The following ARHGAP17 variants were observed in gnomAD, a reference collection of about 807,000 sequenced individuals.
ARHGAP17 encodes the protein rho GTPase-activating protein 17.
In ARHGAP17, 57 loss-of-function variants were observed where a neutral mutation model predicts 99.5. The ratio of observed to expected loss-of-function variants is 0.57; its 90% CI spans 0.46 to 0.71. The LOEUF (loss-of-function observed/expected upper bound fraction) is 0.71, where lower values mean the gene tolerates loss of function less well. Among genes scored for constraint, ARHGAP17 ranks in the 30% least tolerant of loss-of-function variants. The pLI is 0.00. For synonymous variants in ARHGAP17, 417 were observed against 429.6 expected (o/e 0.97, Z 0.36); for missense variants, 1,000 against 1,122.4 (o/e 0.89, Z 1.56).
intron 14 of ARHGAP17, among the ~76,000 whole-genome samples, chr16:24,944,843 C>T (rs547009104): frequency 1.3e-5 from 2 of 151,788 alleles, no homozygotes; most frequent in Admixed American, 6.6e-5. Flanking sequence ...GTCTCGATCT[C>T]CTGACCTTGT....
intron 3 of ARHGAP17, among the ~76,000 whole-genome samples, chr16:24,975,426 A>G (rs1031548027): frequency 1.3e-5 from 2 of 152,210 alleles, no homozygotes; most frequent in African/African-American, 2.4e-5. Flanking sequence ...ACAATGTGAA[A>G]AGGGTAAGCA....
intron 1 of ARHGAP17, among the ~76,000 whole-genome samples, chr16:24,982,947 A>G (rs1240324614): frequency 1.4e-5 from 2 of 141,632 alleles, no homozygotes; most frequent in African/African-American, 5.2e-5. Flanking sequence ...CAATCATAAA[A>G]AATAATACTT....
chr16:25,013,155 A>T (rs2053686238), intron 1 of ARHGAP17, among the ~76,000 whole-genome samples: 1 of 152,256 alleles, frequency 6.6e-6, no homozygotes, highest in South Asian at 2.1e-4. Context: ...GTAGCATCAT[A>T]GAAGGCCTTT....
At chr16:24,935,728 G>A (rs1401229984) in intron 17 of ARHGAP17, 89 bp from the exon 18 acceptor site, 1 of 1,390,770 alleles carries the variant, frequency 7.2e-7, no homozygotes, top group Admixed American at 1.8e-5. Context: ...ATTCCAAGCA[G>A]AGTTTTCACT....
intron 19 of ARHGAP17, among the ~76,000 whole-genome samples, chr16:24,925,372 C>CT (rs1164957936): frequency 6.6e-6 from 1 of 152,188 alleles, no homozygotes; most frequent in Non-Finnish European, 1.5e-5. Flanking sequence ...GAGCAAGACT[C>CT]TGTCTCAAAA....
intron 13 of ARHGAP17, among the ~76,000 whole-genome samples, chr16:24,948,444 A>G (rs1416941681): frequency 1.3e-5 from 2 of 152,280 alleles, no homozygotes; most frequent in South Asian, 2.1e-4. Context: ...TTTTCATCGT[A>G]TACCATTTGA....
chr16:25,012,306 A>T (rs2053662997), intron 1 of ARHGAP17, among the ~76,000 whole-genome samples: 1 of 152,154 alleles, frequency 6.6e-6, no homozygotes, highest in Non-Finnish European at 1.5e-5. Context: ...CATCATGCGA[A>T]CTCATTCCTT....
intron 7 of ARHGAP17, among the ~76,000 whole-genome samples, chr16:24,960,508 C>T (rs1467960164): frequency 4.0e-5 from 6 of 151,646 alleles, no homozygotes; most frequent in Admixed American, 1.3e-4. Context: ...TCGTGTGCCA[C>T]TGCACTCCAG....
At chr16:24,966,616 G>A (rs983783268) in intron 6 of ARHGAP17, among the ~76,000 whole-genome samples, 5 of 151,754 alleles carry the variant, frequency 3.3e-5, no homozygotes, top group Admixed American at 6.6e-5. Flanking sequence ...GGTTGACAGA[G>A]AGAGACTCCA....
intron 1 of ARHGAP17, among the ~76,000 whole-genome samples, chr16:24,988,683 G>A (rs1020163500): frequency 2.0e-5 from 3 of 152,100 alleles, no homozygotes; most frequent in Admixed American, 2.0e-4. Context: ...GCTTACCCAC[G>A]CAGCGTTTTG....
intron 14 of ARHGAP17, among the ~76,000 whole-genome samples, chr16:24,945,059 C>A (rs759626942): frequency 6.6e-6 from 1 of 151,920 alleles, no homozygotes; most frequent in Admixed American, 6.6e-5. Context: ...GTAGGCCAGA[C>A]GCAGTGGCTC....
Position 24,947,562 on chromosome 16 carries a change from C to T in ARHGAP17, c.1161G>A (p.Gln387=). ...GAGTCATTTTATTCACATCGCTGGT[C>T]TGAGCAAGCTTTGCAAGGAACTTGA... is the stretch of plus-strand genomic sequence containing the variant. ...YLIKFLAKLA[Q]TSDVNKMTPS... The change falls in exon 14 of 20, where the codon CAG becomes CAA. Residue 387 remains glutamine (Q), a synonymous_variant. Transcript: ENST00000289968. 6.2e-7 allele frequency: 1 copy of T among 1,612,974 alleles called. No homozygotes were observed. Among genetic ancestry groups the T allele is most frequent in the Non-Finnish European group, 8.5e-7 (1 of 1,179,988 alleles).
intron 7 of ARHGAP17, 95 bp downstream of exon 7, chr16:24,964,102 T>C (rs952484312): frequency 1.1e-5 from 9 of 787,134 alleles, no homozygotes; most frequent in African/African-American, 1.8e-5. Flanking sequence ...AATATTCTGA[T>C]AGAAATTATT....
chr16:25,015,080 C>T (rs1567278871), intron 1 of ARHGAP17, 129 bp downstream of exon 1: 2 of 944,246 alleles, frequency 2.1e-6, no homozygotes, highest in Non-Finnish European at 2.6e-6. Context: ...GCCCGTGCCC[C>T]GCTGGTCTCG....
chr16:24,970,171 G>A (rs2052318207), intron 4 of ARHGAP17, among the ~76,000 whole-genome samples: 1 of 152,188 alleles, frequency 6.6e-6, no homozygotes, highest in Admixed American at 6.5e-5. Context: ...GGTCTGGTCA[G>A]AGTTTCTAAA....
intron 18 of ARHGAP17, 139 bp from the exon 19 acceptor site, chr16:24,931,543 C>T (rs1177243691): frequency 3.7e-6 from 3 of 820,306 alleles, no homozygotes; most frequent in Admixed American, 3.7e-5. Flanking sequence ...GTCAGGAGGG[C>T]ACCACACTGT....
intron 1 of ARHGAP17, among the ~76,000 whole-genome samples, chr16:24,984,861 T>A (rs990580543): frequency 6.6e-6 from 1 of 151,958 alleles, no homozygotes; most frequent in Admixed American, 6.6e-5. Context: ...TTAATCTTTT[T>A]ATAAAATGGG....
chr16:25,005,735 T>C (rs998269834), intron 1 of ARHGAP17, among the ~76,000 whole-genome samples: 3 of 152,116 alleles, frequency 2.0e-5, no homozygotes, highest in Admixed American at 1.3e-4. Flanking sequence ...GAAATACAAA[T>C]GTAAGAACAC....
intron 7 of ARHGAP17, among the ~76,000 whole-genome samples, chr16:24,960,360 C>T (rs913957134): frequency 3.3e-5 from 5 of 152,118 alleles, no homozygotes; most frequent in Non-Finnish European, 5.9e-5. Flanking sequence ...GCCTGGCCAA[C>T]ATGGTGAAAC....
Sources: allele counts gnomAD v4.1 joint callset (sites outside exome capture counted in the v4.1 genomes callset), GRCh38; gene constraint gnomAD v4.1.1; transcripts MANE v1.5; gene names NCBI Gene and HGNC (gene_info 2026-07-23, HGNC 2026-07-21).